The following CHRM3 variants were observed in gnomAD, a reference collection of about 807,000 sequenced individuals.
CHRM3 encodes muscarinic acetylcholine receptor M3.
In CHRM3, 11 loss-of-function variants were observed where a neutral mutation model predicts 41.8. The ratio of observed to expected loss-of-function variants is 0.26; its 90% CI spans 0.17 to 0.44. The LOEUF is 0.44. Among genes scored for constraint, CHRM3 ranks in the 20% least tolerant of loss-of-function variants. The pLI, the probability that CHRM3 is intolerant of heterozygous loss-of-function variation, is 1.00. For missense variants in CHRM3, 571 were observed against 745.4 expected (o/e 0.77, Z 2.72); for synonymous variants, 297 against 301.4 (o/e 0.99, Z 0.15).
intron 1 of CHRM3, among the ~76,000 whole-genome samples, chr1:239,434,817 A>C (rs1021269088): frequency 1.6e-4 from 25 of 152,278 alleles, no homozygotes; most frequent in Middle Eastern, 3.4e-3. Flanking sequence ...GGAGGGAGGG[A>C]TTGAGATGAA....
intron 2 of CHRM3, among the ~76,000 whole-genome samples, chr1:239,545,059 C>G (rs1251360784): frequency 6.6e-6 from 1 of 151,924 alleles, no homozygotes; most frequent in Non-Finnish European, 1.5e-5. Flanking sequence ...AGGTAATGAT[C>G]AAAACATAGG....
chr1:239,797,770 A>G (rs1199943182), intron 5 of CHRM3, among the ~76,000 whole-genome samples: 1 of 152,126 alleles, frequency 6.6e-6, no homozygotes, highest in African/African-American at 2.4e-5. Flanking sequence ...AGTCCAAGCC[A>G]TGTGTGGTGG....
At chr1:239,500,970 G>T (rs56127662) in intron 2 of CHRM3, among the ~76,000 whole-genome samples, 3,107 of 152,286 alleles carry the variant, frequency 0.02, 99 homozygotes, top group African/African-American at 0.07. Context: ...GCGGGCAGGG[G>T]TAGCTATTCT....
At chr1:239,489,937 A>G (rs1374905317) in intron 1 of CHRM3, among the ~76,000 whole-genome samples, 1 of 152,180 alleles carries the variant, frequency 6.6e-6, no homozygotes, top group African/African-American at 2.4e-5. Context: ...AGTAGAGGGT[A>G]GTGCTAAAGA....
intron 1 of CHRM3, among the ~76,000 whole-genome samples, chr1:239,449,373 A>G (rs776455888): frequency 1.4e-4 from 22 of 152,224 alleles, no homozygotes; most frequent in Middle Eastern, 3.2e-3. Context: ...ATTTCGAAAA[A>G]GAACAAAAGA....
chr1:239,631,397 T>C lies in CHRM3; in HGVS notation c.-312-827T>C, dbSNP rs555920510. Reference sequence around the variant, plus strand: ...TTACAGTCTGTTCTCAGTCCTCTTTTCATTTGGTGTCACCGTCACCATGCT... The same window carrying C: ...TTACAGTCTGTTCTCAGTCCTCTTTCCATTTGGTGTCACCGTCACCATGCT... On this transcript the variant is annotated intron_variant, in intron 3 of 6. Coordinates refer to ENST00000676153, the MANE Select transcript of CHRM3 (RefSeq NM_001375978.1). Among the ~76,000 whole-genome samples, 62 of 152,292 alleles carry C rather than the reference T, an allele frequency of 4.1e-4. No individual in the cohort carries two copies. In the South Asian group the frequency reaches 0.012, roughly 29 times the overall value.
At chr1:239,575,474 G>A (rs373496858) in intron 3 of CHRM3, among the ~76,000 whole-genome samples, 1 of 152,152 alleles carries the variant, frequency 6.6e-6, no homozygotes, top group African/African-American at 2.4e-5. Context: ...GATTTCTAAT[G>A]CAACAACCAC....
intron 6 of CHRM3, among the ~76,000 whole-genome samples, chr1:239,854,335 CT>C (rs1381738970): frequency 6.6e-6 from 1 of 151,964 alleles, no homozygotes; most frequent in Non-Finnish European, 1.5e-5. Context: ...TATTGAGCTC[CT>C]TTGTGCCAGA....
intron 5 of CHRM3, among the ~76,000 whole-genome samples, chr1:239,820,009 A>G (rs1671904767): frequency 6.6e-6 from 1 of 152,146 alleles, no homozygotes; most frequent in South Asian, 2.1e-4. Flanking sequence ...GGGTGAGGTC[A>G]CACCCTGTGT....
chr1:239,689,346 C>A (rs2147963712), intron 5 of CHRM3, among the ~76,000 whole-genome samples: 1 of 151,808 alleles, frequency 6.6e-6, no homozygotes, highest in Non-Finnish European at 1.5e-5. Flanking sequence ...GTTGCCTTAG[C>A]TTTGAGTACT....
intron 4 of CHRM3, among the ~76,000 whole-genome samples, chr1:239,634,262 A>G (rs1573038771): frequency 6.6e-6 from 1 of 152,260 alleles, no homozygotes; most frequent in East Asian, 1.9e-4. Context: ...AATAGCACAG[A>G]CTTTCTATTA....
intron 6 of CHRM3, among the ~76,000 whole-genome samples, chr1:239,853,904 CAAAA>C (rs1017177184): frequency 1.3e-5 from 2 of 151,974 alleles, no homozygotes; most frequent in Non-Finnish European, 2.9e-5. Flanking sequence ...AACTAAATCT[CAAAA>C]GAAAGATTTG....
At chr1:239,811,451 C>A (rs1186815940) in intron 5 of CHRM3, among the ~76,000 whole-genome samples, 1 of 152,216 alleles carries the variant, frequency 6.6e-6, no homozygotes, top group Non-Finnish European at 1.5e-5. Flanking sequence ...TCAGCTGTTG[C>A]AGCCCAGCCC....
intron 1 of CHRM3, among the ~76,000 whole-genome samples, chr1:239,405,648 C>T (rs889427662): frequency 2.0e-5 from 3 of 151,866 alleles, no homozygotes; most frequent in African/African-American, 7.3e-5. Flanking sequence ...ACTACCAATA[C>T]TGATTTTTGC....
intron 2 of CHRM3, among the ~76,000 whole-genome samples, chr1:239,513,669 C>T (rs1023001217): frequency 6.6e-6 from 1 of 152,074 alleles, no homozygotes; most frequent in Non-Finnish European, 1.5e-5. Context: ...TTATGGATCA[C>T]GTCTTTGGTG....
At chr1:239,400,776 T>G (rs1185342484) in intron 1 of CHRM3, among the ~76,000 whole-genome samples, 1 of 152,204 alleles carries the variant, frequency 6.6e-6, no homozygotes, top group Non-Finnish European at 1.5e-5. Flanking sequence ...AAGATTTATT[T>G]TTGGGCTCTT....
At chr1:239,739,097 A>G (rs566297378) in intron 5 of CHRM3, among the ~76,000 whole-genome samples, 34 of 152,266 alleles carry the variant, frequency 2.2e-4, no homozygotes, top group Non-Finnish European at 4.0e-4. Context: ...TTGGGACATG[A>G]TGGGTGGAGA....
At chr1:239,691,612 C>A (rs1659728326) in intron 5 of CHRM3, among the ~76,000 whole-genome samples, 1 of 152,096 alleles carries the variant, frequency 6.6e-6, no homozygotes, top group Non-Finnish European at 1.5e-5. Context: ...GAGATCTTAT[C>A]ATATAGTTAT....
At chr1:239,390,684 CG>C (rs1658953646) in intron 1 of CHRM3, among the ~76,000 whole-genome samples, 1 of 151,564 alleles carries the variant, frequency 6.6e-6, no homozygotes, top group Admixed American at 6.6e-5. Flanking sequence ...CTGCAACCTC[CG>C]CCTCCCAGGT....
Sources: gnomAD v4.1 joint callset for allele counts (sites outside exome capture counted in the v4.1 genomes callset) on GRCh38, gnomAD v4.1.1 for gene constraint, MANE v1.5 for transcripts, NCBI Gene and HGNC (gene_info 2026-07-23, HGNC 2026-07-21) for gene names.